The following PCDHGB3 variants were observed in gnomAD, a reference collection of about 807,000 sequenced individuals.
The protein encoded by PCDHGB3 is protocadherin gamma-B3.
In PCDHGB3, 40 loss-of-function variants were observed where a neutral mutation model predicts 59.2. The ratio of observed to expected loss-of-function variants is 0.68; its 90% confidence interval spans 0.52 to 0.88. The LOEUF (loss-of-function observed/expected upper bound fraction) is 0.88, where lower values mean the gene tolerates loss of function less well. PCDHGB3 is among the 40% of genes least tolerant of loss of function. The pLI is 0.00. For synonymous variants in PCDHGB3, 581 were observed against 503.6 expected (o/e 1.15, Z -2.06); for missense variants, 1,309 against 1,187.9 (o/e 1.10, Z -1.50).
intron 1 of PCDHGB3, among the ~76,000 whole-genome samples, chr5:141,381,826 C>CTTTTTTTTTTTTTTTTTTTTTTTT (rs770630741): frequency 4.0e-5 from 3 of 74,284 alleles, no homozygotes; most frequent in African/African-American, 6.2e-5. Context: ...CTTTCTTCTT[C>CTTTTTTTTTTTTTTTTTTTTTTTT]TTTTTTTTTT....
In PCDHGB3 at chr5:141,370,383, G is replaced by T; in HGVS notation, c.-12G>T. The T allele has an allele frequency of 1.3e-6, 2 of 1,533,714 alleles. No individual in the cohort carries two copies. Among genetic ancestry groups the T allele is most frequent in the African/African-American group, 1.4e-5 (1 of 72,170 alleles). On this transcript the variant is annotated 5_prime_UTR_variant, in exon 1 of 4. Transcript: ENST00000576222. ...TCCTCGGATTTAGAAAGGCAAAGGCGCAGAGAGCGGGATGGGAAATAGCTC... is the reference window on the plus strand; with the variant it reads ...TCCTCGGATTTAGAAAGGCAAAGGCTCAGAGAGCGGGATGGGAAATAGCTC...
Position 141,432,388 on chromosome 5 carries a change from C to T in PCDHGB3, c.2415+59579C>T. The T allele has an allele frequency of 6.2e-7, 1 of 1,614,258 alleles. No homozygotes were observed. The highest frequency in any genetic ancestry group is 2.2e-5 in the East Asian group (1 of 44,892). The stretch of plus-strand genomic sequence containing the variant: ...GGGACAACGGGCACCCGCCCCTCAG[C>T]AGCAACGTGTCGTTGAGCCTGTTCG... On this transcript the variant is annotated intron_variant, in intron 1 of 3. Transcript: ENST00000576222. This position sits in a 1 kb window ranked among gnomAD's most constrained non-coding sequence, Gnocchi z 6.0.
chr5:141,422,746 T>G (rs763386007), intron 1 of PCDHGB3: 1 of 1,611,014 alleles, frequency 6.2e-7, no homozygotes, highest in Non-Finnish European at 8.5e-7. Context: ...CTCCTATGTC[T>G]CTATTAACTC....
In PCDHGB3 at chr5:141,413,412, C is replaced by T. The variant is rs747352426; in HGVS notation, c.2415+40603C>T. ...TCTCCAGAGGTAGGACGCAGCTTTT[C>T]TCTCTGAACCCGCGCAGCGGCAGCT... On this transcript the variant is annotated intron_variant, in intron 1 of 3. Transcript: ENST00000576222. 5.6e-6 allele frequency: 9 copies of T among 1,613,954 alleles called. No individual in the cohort carries two copies. The African/African-American group carries it at 1.2e-4, about 22-fold the overall frequency.
intron 1 of PCDHGB3, chr5:141,423,800 T>C: frequency 1.6e-5 from 14 of 895,104 alleles, no homozygotes; most frequent in East Asian, 1.3e-4. Context: ...TTTAGAGCAA[T>C]ACATGTGAGT....
At position 141,371,773 on chromosome 5, in the gene PCDHGB3, A is replaced by C. The variant is rs148367405; in HGVS notation, c.1379A>C (p.His460Pro). The C allele has an allele frequency of 2.9e-5, 46 of 1,614,020 alleles. No individual in the cohort carries two copies. In the Middle Eastern group the frequency reaches 6.6e-4, roughly 23 times the overall value. The change falls in exon 1 of 4, where the codon CAT becomes CCT. Residue 460 changes from histidine to proline, a missense_variant. Physicochemically the swap from His to Pro is moderately conservative, Grantham distance 77. Coordinates refer to ENST00000576222, the MANE Select transcript of PCDHGB3 (RefSeq NM_018924.5). ...TTCCACCAGGCCTCCTACACCGTGC[A>C]TGTAGCTGAGAACAATCCGCCTGGA... The part of the protein sequence containing the change: ...PVFHQASYTV[H>P]VAENNPPGAS...
Position 141,506,445 on chromosome 5 carries a change from A to T in PCDHGB3, c.2563+964A>T, listed in dbSNP as rs1018306383. 3.8e-3 allele frequency among the ~76,000 whole-genome samples: 112 copies of T among 29,226 alleles called. No individual in the cohort carries two copies. The Middle Eastern group carries it at 0.08, about 21-fold the overall frequency. The allele number at this position is 29,226 out of a possible 152,430, so 19.2% of individuals were successfully genotyped here. ...CTGGGCAACAGTCTCGCTCTGTCTC[A>T]AAAAAAAAAAAAAAAAAAAAGAGCA... On this transcript the variant is annotated intron_variant, in intron 3 of 3. Transcript: ENST00000576222.
At chr5:141,467,987 A>G (rs888811899) in intron 1 of PCDHGB3, among the ~76,000 whole-genome samples, 10 of 152,216 alleles carry the variant, frequency 6.6e-5, no homozygotes, top group Non-Finnish European at 8.8e-5. Flanking sequence ...TCAGAAAACC[A>G]CAATTCTTTC....
At chr5:141,448,924 G>A (rs1244728418) in intron 1 of PCDHGB3, among the ~76,000 whole-genome samples, 1 of 152,116 alleles carries the variant, frequency 6.6e-6, no homozygotes, top group East Asian at 1.9e-4. Flanking sequence ...CAGCCTGGGC[G>A]ACAGAGCAAG....
rs1561964279 is a variant in PCDHGB3 at position 141,456,201 on chromosome 5, A to G, written c.2416-38606A>G. 2.0e-5 allele frequency among the ~76,000 whole-genome samples: 3 copies of G among 152,228 alleles called. No homozygotes were observed. The South Asian group carries it at 6.2e-4, about 32-fold the overall frequency. On this transcript the variant is annotated intron_variant, in intron 1 of 3. Coordinates refer to ENST00000576222, the MANE Select transcript of PCDHGB3 (RefSeq NM_018924.5). ...ATAATTTCTTAATAACTCCTACCAC[A>G]TTCCTCCCTGTGGCGATATCAAACT...
At chr5:141,394,199 A>T (rs1353569032) in intron 1 of PCDHGB3, 1 of 1,613,840 alleles carries the variant, frequency 6.2e-7, no homozygotes, top group Non-Finnish European at 8.5e-7. Context: ...CGTATATCCT[A>T]GAGAACAACC....
At chr5:141,409,522 G>C in intron 1 of PCDHGB3, 4 of 1,613,992 alleles carry the variant, frequency 2.5e-6, no homozygotes, top group Non-Finnish European at 3.4e-6. Context: ...GCATCACCTT[G>C]TATGTCGCTG....
At chr5:141,450,509 G>A (rs2098683055) in intron 1 of PCDHGB3, among the ~76,000 whole-genome samples, 1 of 151,878 alleles carries the variant, frequency 6.6e-6, no homozygotes, top group African/African-American at 2.4e-5. Flanking sequence ...GTTTTGAGAT[G>A]GAGTCTCATT....
At chr5:141,494,736 T>C in intron 1 of PCDHGB3, 71 bp from the exon 2 acceptor site, 1 of 1,611,858 alleles carries the variant, frequency 6.2e-7, no homozygotes, top group Non-Finnish European at 8.5e-7. Context: ...TCCCGGCCCA[T>C]CCCTAGGGGC....
In PCDHGB3 at chr5:141,486,184, A is replaced by G. The variant is rs2099625756; in HGVS notation, c.2416-8623A>G. 8 of 1,614,014 alleles carry G rather than the reference A, an allele frequency of 5.0e-6. No homozygotes were observed. Among genetic ancestry groups the G allele is most frequent in the Non-Finnish European group, 6.8e-6 (8 of 1,180,026 alleles). On this transcript the variant is annotated intron_variant, in intron 1 of 3. Transcript: ENST00000576222. This position sits in a 1 kb window ranked among gnomAD's most constrained non-coding sequence, Gnocchi z 5.0. ...CCATGGAGCAACATTGCAGCCTTCG[A>G]GTGGATCTGCTGGACGTAAATGACA...
intron 1 of PCDHGB3, among the ~76,000 whole-genome samples, chr5:141,458,445 T>G (rs180720013): frequency 6.6e-6 from 1 of 151,738 alleles, no homozygotes; most frequent in East Asian, 1.9e-4. Flanking sequence ...TCCCCCACAT[T>G]AACAATTTTT....
Position 141,491,815 on chromosome 5 carries a change from C to T in PCDHGB3, c.2416-2992C>T. The T allele has an allele frequency of 6.7e-7, 1 of 1,485,264 alleles. No individual in the cohort carries two copies. Among genetic ancestry groups the T allele is most frequent in the African/African-American group, 1.4e-5 (1 of 70,622 alleles). The allele number at this position is 1,485,264 out of a possible 1,614,324, so 92.0% of individuals were successfully genotyped here. ...CCTCTCCGGCCGGCTTGGTCGCTGGCTGCGCTCCACCCGATTCTCGGGATC... is the reference window on the plus strand; with the variant it reads ...CCTCTCCGGCCGGCTTGGTCGCTGGTTGCGCTCCACCCGATTCTCGGGATC... On this transcript the variant is annotated intron_variant, in intron 1 of 3. Coordinates refer to ENST00000576222, the MANE Select transcript of PCDHGB3 (RefSeq NM_018924.5). This position sits in a 1 kb window ranked among gnomAD's most constrained non-coding sequence, Gnocchi z 6.9.
At chr5:141,433,308 C>A in intron 1 of PCDHGB3, 2 of 915,352 alleles carry the variant, frequency 2.2e-6, no homozygotes, top group Non-Finnish European at 1.6e-6. Context: ...ATTATCCCAC[C>A]TTTGCCTCCG....
intron 1 of PCDHGB3, chr5:141,376,127 G>T (rs1331529697): frequency 3.7e-6 from 6 of 1,613,710 alleles, no homozygotes; most frequent in Non-Finnish European, 5.1e-6. Flanking sequence ...CGAGCCCTCC[G>T]CCAAACCCAA....
Sources: gnomAD v4.1 joint callset for allele counts (sites outside exome capture counted in the v4.1 genomes callset) on GRCh38, gnomAD v4.1.1 for gene constraint, Gnocchi (gnomAD v3.1) non-coding constraint, MANE v1.5 for transcripts, NCBI Gene and HGNC (gene_info 2026-07-23, HGNC 2026-07-21) for gene names.